SLC6A17: variants seen among roughly 807,000 people sequenced by gnomAD.
SLC6A17 encodes solute carrier family 6 member 17.
In SLC6A17, 21 loss-of-function variants were observed where a neutral mutation model predicts 64.5. The observed-to-expected ratio is 0.33, with a 90% CI of 0.23 to 0.47. The LOEUF is 0.47. SLC6A17 is among the 20% of genes least tolerant of loss of function. The pLI is 1.00. For missense variants in SLC6A17, 682 were observed against 963.2 expected (o/e 0.71, Z 3.86); for synonymous variants, 372 against 399.5 (o/e 0.93, Z 0.82).
chr1:110,170,303 T>C (rs1038993005), intron 2 of SLC6A17, among the ~76,000 whole-genome samples: 13 of 151,966 alleles, frequency 8.6e-5, no homozygotes, highest in African/African-American at 2.9e-4. Flanking sequence ...GCTAACATGG[T>C]GAAACCCCGT....
At chr1:110,169,850 G>A (rs1557833019) in intron 2 of SLC6A17, among the ~76,000 whole-genome samples, 1 of 152,166 alleles carries the variant, frequency 6.6e-6, no homozygotes, top group African/African-American at 2.4e-5. Context: ...AGGTTGATAT[G>A]AAAAAATACC....
intron 1 of SLC6A17, among the ~76,000 whole-genome samples, chr1:110,160,454 G>T (rs1256666831): frequency 6.6e-6 from 1 of 152,226 alleles, no homozygotes; most frequent in African/African-American, 2.4e-5. Context: ...ATCTGTGTGT[G>T]CGAAGCACTG....
chr1:110,172,181 TC>T lies in SLC6A17; in HGVS notation c.412del (p.Arg138AlafsTer11). The T allele has an allele frequency of 1.2e-6, 2 of 1,607,076 alleles. No individual in the cohort carries two copies. Among genetic ancestry groups the T allele is most frequent in the Non-Finnish European group, 8.5e-7 (1 of 1,176,888 alleles). ...GCATCGGTGTGTGGCACTATATATG[TC>T]CCCGCCTGGGGGGCATCGGCTTCTC... ...GSIGVWHYIC[P>X]RLGGIGFSSC... On this transcript the variant is annotated frameshift_variant, in exon 3 of 12. Coordinates refer to ENST00000331565, the MANE Select transcript of SLC6A17 (RefSeq NM_001010898.4). LOFTEE classifies it high-confidence loss of function.
chr1:110,152,712 A>C (rs990808158), intron 1 of SLC6A17, among the ~76,000 whole-genome samples: 3 of 152,186 alleles, frequency 2.0e-5, no homozygotes, highest in Admixed American at 6.5e-5. Flanking sequence ...ACCTTGGGCA[A>C]GTCAATTCAC....
At chr1:110,182,086 G>A (rs537917710) in intron 6 of SLC6A17, among the ~76,000 whole-genome samples, 30 of 152,312 alleles carry the variant, frequency 2.0e-4, no homozygotes, top group African/African-American at 7.2e-4. Context: ...GACCTGTCAG[G>A]AGGTCCTCCA....
intron 1 of SLC6A17, among the ~76,000 whole-genome samples, chr1:110,151,666 G>A (rs1488727325): frequency 6.6e-6 from 1 of 152,158 alleles, no homozygotes; most frequent in African/African-American, 2.4e-5. Flanking sequence ...GAAGCGTGAT[G>A]TTTCCTTTTA....
rs562331927 is a variant in SLC6A17 at position 110,164,535 on chromosome 1, G to C, written c.-87-2308G>C. ...CCAGTCATGACTGCAGCCCAGCCCA[G>C]TGCCTCAGCCTGGAGGTTTGTGCGA... is the stretch of plus-strand genomic sequence containing the variant. On this transcript the variant is annotated intron_variant, in intron 1 of 11. Transcript: ENST00000331565. Among the ~76,000 whole-genome samples, 52 of 152,346 alleles carry C rather than the reference G, an allele frequency of 3.4e-4. No individual in the cohort carries two copies. The South Asian group carries it at 3.9e-3, about 12-fold the overall frequency.
At chr1:110,184,449 G>A (rs1557838071) in intron 6 of SLC6A17, among the ~76,000 whole-genome samples, 1 of 152,212 alleles carries the variant, frequency 6.6e-6, no homozygotes, top group South Asian at 2.1e-4. Flanking sequence ...TCTGTAGCAG[G>A]CACTTTTGTG....
intron 6 of SLC6A17, among the ~76,000 whole-genome samples, chr1:110,186,468 G>C (rs1460629760): frequency 8.1e-6 from 1 of 123,350 alleles, no homozygotes; most frequent in South Asian, 2.6e-4. Context: ...AAAGGAAAGA[G>C]AAGAGGAAAG....
chr1:110,176,768 G>A (rs1440233200), intron 6 of SLC6A17, 29 bp downstream of exon 6: 2 of 1,590,468 alleles, frequency 1.3e-6, no homozygotes, highest in Admixed American at 1.7e-5. Flanking sequence ...CACATGCCAG[G>A]GAACAGCAAC....
chr1:110,196,414 G>T (rs898526395), intron 10 of SLC6A17, among the ~76,000 whole-genome samples: 1 of 152,178 alleles, frequency 6.6e-6, no homozygotes, highest in Non-Finnish European at 1.5e-5. Context: ...GCCTGGACCT[G>T]GTTTGGCAGT....
At chr1:110,171,331 C>CTA (rs768212387) in intron 2 of SLC6A17, among the ~76,000 whole-genome samples, 28 of 152,212 alleles carry the variant, frequency 1.8e-4, no homozygotes, top group Non-Finnish European at 3.1e-4. Context: ...AATTCTCCTG[C>CTA]TAAATGCCCT....
rs534872115 is a variant in SLC6A17, at chr1:110,160,515, T to C, written c.-87-6328T>C. On this transcript the variant is annotated intron_variant, in intron 1 of 11. Coordinates refer to ENST00000331565, the MANE Select transcript of SLC6A17 (RefSeq NM_001010898.4). The stretch of plus-strand genomic sequence containing the variant: ...GGCACAAAGCTGAATGCACCTTCGC[T>C]CCTGCCTCAAGGAGATTGCTGTTCA... Among the ~76,000 whole-genome samples, 10 of 152,368 alleles carry C rather than the reference T, an allele frequency of 6.6e-5. No individual in the cohort carries two copies. The South Asian group carries it at 1.2e-3, about 19-fold the overall frequency.
chr1:110,185,295 T>C (rs1349089859), intron 6 of SLC6A17, among the ~76,000 whole-genome samples: 1 of 152,238 alleles, frequency 6.6e-6, no homozygotes, highest in Non-Finnish European at 1.5e-5. Context: ...ATGTTAGCTA[T>C]TATTATCCTC....
At chr1:110,163,516 A>T (rs1222686740) in intron 1 of SLC6A17, among the ~76,000 whole-genome samples, 1 of 152,030 alleles carries the variant, frequency 6.6e-6, no homozygotes, top group Admixed American at 6.6e-5. Context: ...TGCTCATTGG[A>T]CCCTCACAGC....
chr1:110,151,315 C>G (rs1655597144), intron 1 of SLC6A17, among the ~76,000 whole-genome samples: 1 of 152,256 alleles, frequency 6.6e-6, no homozygotes, highest in South Asian at 2.1e-4. Context: ...GACCCCAGCC[C>G]CAGCCGCTCG....
At position 110,199,957 on chromosome 1, in the gene SLC6A17, A is replaced by T. The variant is rs1158593930; in HGVS notation, c.*1513A>T. 3.3e-6 allele frequency: 1 copy of T among 305,392 alleles called. No individual in the cohort carries two copies. Among genetic ancestry groups the T allele is most frequent in the Non-Finnish European group, 5.8e-6 (1 of 173,878 alleles). 18.9% of individuals were successfully genotyped at this position (305,392 alleles called of 1,614,324 possible). A position where few individuals can be genotyped will look rare whatever the true frequency, so the allele number is the denominator to read the frequency against. On this transcript the variant is annotated 3_prime_UTR_variant, in exon 12 of 12. Transcript: ENST00000331565. ...GGGGTGGGGGTGGATGGATAGATGG[A>T]TGGATGGATGGACGGATGGGGTGGG...
intron 6 of SLC6A17, among the ~76,000 whole-genome samples, 170 bp downstream of exon 6, chr1:110,176,909 C>T (rs1656391502): frequency 6.6e-6 from 1 of 152,200 alleles, no homozygotes; most frequent in Non-Finnish European, 1.5e-5. Context: ...CCCTGCCCTC[C>T]AGGTTCCAAG....
At chr1:110,172,476 T>G in intron 3 of SLC6A17, 1 of 463,054 alleles carries the variant, frequency 2.2e-6, no homozygotes, top group Non-Finnish European at 3.8e-6. Context: ...CTGGGACATA[T>G]TCACATGGGG....
Sources: allele counts gnomAD v4.1 joint callset (sites outside exome capture counted in the v4.1 genomes callset), GRCh38; gene constraint gnomAD v4.1.1; transcripts MANE v1.5; gene names NCBI Gene and HGNC (gene_info 2026-07-23, HGNC 2026-07-21).